THOC1: variants seen among roughly 807,000 people sequenced by gnomAD.
THOC1 encodes THO complex 1.
THOC1 carries 29 observed loss-of-function variants against 97.3 expected under a neutral mutation model. That is an observed-to-expected ratio of 0.30 (90% CI 0.22 to 0.41). The LOEUF is 0.41. Ranked by LOEUF, THOC1 falls within the 10% of genes least tolerant of loss-of-function variation. The pLI is 1.00. For synonymous variants in THOC1, 255 were observed against 257.0 expected, an observed-to-expected ratio of 0.99 and a Z score of 0.07; for missense variants, 529 against 761.9, an observed-to-expected ratio of 0.69 and a Z score of 3.60.
At chr18:248,214 G>A (rs1912158285) in intron 9 of THOC1, among the ~76,000 whole-genome samples, 1 of 152,176 alleles carries the variant, frequency 6.6e-6, no homozygotes, top group African/African-American at 2.4e-5. Context: ...TAAAGATTAT[G>A]TTTCCCAACC....
At position 215,421 on chromosome 18, in the gene THOC1, G is replaced by T; in HGVS notation, c.1678+8C>A. 1 of 1,608,306 alleles carries T rather than the reference G, an allele frequency of 6.2e-7. No individual in the cohort carries two copies. Among genetic ancestry groups the T allele is most frequent in the Non-Finnish European group, 8.5e-7 (1 of 1,175,118 alleles). ...TTTGTTAAATAACCAAGAAAATTCA[G>T]TTCTTACTTTCATTTTCCTTCAGTA... On this transcript the variant is annotated splice_region_variant and intron_variant, in intron 20 of 20. Transcript: ENST00000261600.
Position 224,941 on chromosome 18 carries a change from T to C in THOC1, c.1191A>G (p.Pro397=). The C allele has an allele frequency of 6.4e-7, 1 of 1,573,828 alleles. No individual in the cohort carries two copies. Among genetic ancestry groups the C allele is most frequent in the Non-Finnish European group, 8.6e-7 (1 of 1,157,374 alleles). ...NWNSWKNEGC[P]SFVKERTSDT... The stretch of plus-strand genomic sequence containing the variant: ...GTATTTACCTTTCTTTCACAAAACT[T>C]GGGCAACCTTCATTTTTCCACGAGT... The change falls in exon 15 of 21, where the codon CCA becomes CCG. Residue 397 remains proline (P), a synonymous_variant. Transcript: ENST00000261600.
chr18:223,319 CA>C (rs1166854057), intron 17 of THOC1, 120 bp downstream of exon 17: 4 of 730,606 alleles, frequency 5.5e-6, no homozygotes, highest in Non-Finnish European at 8.6e-6. Flanking sequence ...GCTGCTGTGC[CA>C]AAAGTCAACC....
chr18:248,228 C>G lies in THOC1; in HGVS notation c.678-271G>C, dbSNP rs115997941. ...TTAAAGATTATGTTTCCCAACCAAT[C>G]TTGCTGCTCGCATGGTCATGTGATT... On this transcript the variant is annotated intron_variant, in intron 9 of 20. Coordinates refer to ENST00000261600, the MANE Select transcript of THOC1 (RefSeq NM_005131.3). 4.5e-3 allele frequency among the ~76,000 whole-genome samples: 686 copies of G among 152,338 alleles called. 4 individuals carry two copies. Among genetic ancestry groups the G allele is most frequent in the African/African-American group, 0.015 (640 of 41,590 alleles).
chr18:263,794 T>C (rs1912680017), intron 4 of THOC1: 1 of 416,816 alleles, frequency 2.4e-6, no homozygotes, highest in African/African-American at 2.1e-5. Flanking sequence ...ATTTACTGAA[T>C]GAACAAAACA....
intron 11 of THOC1, among the ~76,000 whole-genome samples, chr18:241,005 C>T (rs963650729): frequency 2.6e-5 from 4 of 152,128 alleles, no homozygotes; most frequent in Non-Finnish European, 5.9e-5. Flanking sequence ...AATGCTGCTG[C>T]TGATCTGATA....
intron 9 of THOC1, among the ~76,000 whole-genome samples, chr18:249,316 T>C (rs1912198797): frequency 6.6e-6 from 1 of 152,166 alleles, no homozygotes; most frequent in African/African-American, 2.4e-5. Flanking sequence ...TAAAGCAGCT[T>C]CACTGATTTA....
chr18:258,389 A>T (rs1464206443), intron 7 of THOC1, among the ~76,000 whole-genome samples: 2 of 152,156 alleles, frequency 1.3e-5, no homozygotes, highest in South Asian at 4.1e-4. Flanking sequence ...AAATGATCAC[A>T]GACAGAAAGC....
intron 1 of THOC1, among the ~76,000 whole-genome samples, chr18:266,993 T>C (rs937657115): frequency 1.4e-4 from 19 of 140,326 alleles, no homozygotes; most frequent in African/African-American, 4.8e-4. Context: ...TGTGTATATA[T>C]ATATTATACG....
At chr18:259,606 G>A (rs1361204794) in intron 6 of THOC1, 76 bp downstream of exon 6, 1 of 1,044,272 alleles carries the variant, frequency 9.6e-7, no homozygotes, top group Non-Finnish European at 1.4e-6. Context: ...GTTATCACTG[G>A]TATTTAATTC....
In THOC1 at chr18:265,677, C is replaced by G. The variant is rs78819366; in HGVS notation, c.55-147G>C. On this transcript the variant is annotated intron_variant, in intron 1 of 20. Transcript: ENST00000261600. ...CCTATCAGTCATTCTCTCAGTAATCCTTATTCCAATGCTACTTCATGATAC... is the reference window on the plus strand; with the variant it reads ...CCTATCAGTCATTCTCTCAGTAATCGTTATTCCAATGCTACTTCATGATAC... The G allele has an allele frequency of 8.6e-4, 531 of 614,198 alleles. 7 individuals carry two copies. The East Asian group carries it at 0.014, about 16-fold the overall frequency. The allele number at this position is 614,198 out of a possible 1,614,324, so 38.0% of individuals were successfully genotyped here.
At chr18:219,172 C>G (rs1910997894) in intron 17 of THOC1, among the ~76,000 whole-genome samples, 1 of 17,230 alleles carries the variant, frequency 5.8e-5, no homozygotes. Context: ...CTGAGCGGTA[C>G]AAAATAACCA....
In THOC1 at chr18:254,448, A is replaced by C. The variant is rs1912375660; in HGVS notation, c.521-93T>G. ...TCATAATCAAAACTACAAAATGCCA[A>C]ATCCATAAAGAGCAGTCAAAATTAA... On this transcript the variant is annotated intron_variant, in intron 7 of 20. Transcript: ENST00000261600. The surrounding 1 kb of genome is among the most constrained non-coding windows in gnomAD (Gnocchi z 4.1). 8 of 766,302 alleles carry C rather than the reference A, an allele frequency of 1.0e-5. No homozygotes were observed. The allele number at this position is 766,302 out of a possible 1,614,324, so 47.5% of individuals were successfully genotyped here. A position where few individuals can be genotyped will look rare whatever the true frequency, so the allele number is the denominator to read the frequency against.
At chr18:216,897 CG>C (rs1467792123) in intron 18 of THOC1, among the ~76,000 whole-genome samples, 1 of 152,182 alleles carries the variant, frequency 6.6e-6, no homozygotes, top group Non-Finnish European at 1.5e-5. Context: ...TCAAAGTTTC[CG>C]TTCATTTTGT....
At chr18:223,663 T>A (rs1198787493) in intron 16 of THOC1, among the ~76,000 whole-genome samples, 158 bp from the exon 17 acceptor site, 1 of 152,216 alleles carries the variant, frequency 6.6e-6, no homozygotes, top group Non-Finnish European at 1.5e-5. Context: ...TTAAAATACC[T>A]AAAATTATTC....
intron 11 of THOC1, among the ~76,000 whole-genome samples, chr18:239,374 A>G (rs1409716430): frequency 6.6e-6 from 1 of 152,092 alleles, no homozygotes; most frequent in East Asian, 1.9e-4. Context: ...GTGTGATCTC[A>G]GCTCACTGCA....
At chr18:241,527 A>C (rs1911900756) in intron 11 of THOC1, among the ~76,000 whole-genome samples, 1 of 152,188 alleles carries the variant, frequency 6.6e-6, no homozygotes. Flanking sequence ...ACTGTGGGTA[A>C]CCTCACCCTG....
chr18:225,038 T>C (rs1160114220), intron 14 of THOC1, 44 bp from the exon 15 acceptor site: 1 of 1,564,952 alleles, frequency 6.4e-7, no homozygotes, highest in East Asian at 2.3e-5. Context: ...TGGAATCCTC[T>C]GAAGTTCTAT....
chr18:264,762 C>A (rs1293871082), intron 3 of THOC1, among the ~76,000 whole-genome samples: 1 of 152,210 alleles, frequency 6.6e-6, no homozygotes, highest in Non-Finnish European at 1.5e-5. Flanking sequence ...GGGGACCCAA[C>A]CTTTGCTTGA....
Sources: allele counts gnomAD v4.1 joint callset (sites outside exome capture counted in the v4.1 genomes callset), GRCh38; gene constraint gnomAD v4.1.1; non-coding constraint Gnocchi (gnomAD v3.1); transcripts MANE v1.5; gene names NCBI Gene and HGNC (gene_info 2026-07-23, HGNC 2026-07-21).